The following IGFL2 variants were observed in gnomAD, a reference collection of about 807,000 sequenced individuals.
The protein encoded by IGFL2 is IGF like family member 2.
A neutral mutation model predicts 13.9 loss-of-function variants in IGFL2; 7 were observed. That is an observed-to-expected ratio of 0.51 (90% confidence interval 0.29 to 0.95). The LOEUF is 0.95. Among genes scored for constraint, IGFL2 ranks in the 40% least tolerant of loss-of-function variants. IGFL2 has a pLI of 0.08. For synonymous variants in IGFL2, 55 were observed against 55.8 expected (o/e 0.99, Z 0.07); for missense variants, 138 against 147.8 (o/e 0.93, Z 0.34).
At chr19:46,150,753 C>T (rs1600904090) in intron 1 of IGFL2, among the ~76,000 whole-genome samples, 1 of 152,240 alleles carries the variant, frequency 6.6e-6, no homozygotes, top group East Asian at 1.9e-4. Flanking sequence ...TCACTGCACC[C>T]TCTACCTCTG....
the IGFL2 span, chr19:46,124,576 T>A: frequency 6.5e-7 from 1 of 1,544,236 alleles, no homozygotes; most frequent in South Asian, 1.1e-5. Context: ...GTTTGGGAGC[T>A]GCACTGGGAA....
At chr19:46,117,619 C>T in the IGFL2 span, among the ~76,000 whole-genome samples, 1 of 152,136 alleles carries the variant, frequency 6.6e-6, no homozygotes, top group Non-Finnish European at 1.5e-5. Flanking sequence ...GCTGGGACTA[C>T]ATGCATGTGC....
chr19:46,149,161 T>C (rs933628162), intron 1 of IGFL2: 4 of 646,054 alleles, frequency 6.2e-6, no homozygotes, highest in Non-Finnish European at 1.1e-5. Flanking sequence ...CCTCTCTCTC[T>C]TCTCTCTCTC....
the IGFL2 span, among the ~76,000 whole-genome samples, chr19:46,176,106 G>A: frequency 7.0e-6 from 1 of 142,914 alleles, no homozygotes. Context: ...GCCCGCCTCG[G>A]CCTCCTAAAG....
At chr19:46,138,147 G>T (rs1972688630), upstream of IGFL2, among the ~76,000 whole-genome samples, 1 of 152,194 alleles carries the variant, frequency 6.6e-6, no homozygotes, top group Admixed American at 6.5e-5. Context: ...ATCTGTGTGG[G>T]CTGAAGTTGC....
chr19:46,161,065 T>C lies in IGFL2; in HGVS notation c.342-5T>C. On this transcript the variant is annotated splice_polypyrimidine_tract_variant and splice_region_variant and intron_variant, in intron 3 of 3. Transcript: ENST00000377693. ...CGTAATTTCTTGGTTTCTTTTTCTC[T>C]GTAGCAGAAGACGTTTTCCCTGAGA... 1.9e-6 allele frequency: 3 copies of C among 1,589,172 alleles called. No individual in the cohort carries two copies. The highest frequency in any genetic ancestry group is 2.6e-6 in the Non-Finnish European group (3 of 1,166,152).
chr19:46,182,188 G>A, the IGFL2 span, among the ~76,000 whole-genome samples: 6 of 151,928 alleles, frequency 3.9e-5, no homozygotes, highest in Non-Finnish European at 1.5e-5. Context: ...CCAACATAGT[G>A]AAACCCCGTC....
chr19:46,158,872 G>C (rs923457081), intron 1 of IGFL2, among the ~76,000 whole-genome samples: 1 of 152,134 alleles, frequency 6.6e-6, no homozygotes, highest in African/African-American at 2.4e-5. Context: ...GGCAGCAGGT[G>C]GGGGATGGAG....
the IGFL2 span, among the ~76,000 whole-genome samples, chr19:46,107,235 T>C: frequency 2.0e-5 from 3 of 152,190 alleles, no homozygotes; most frequent in African/African-American, 7.2e-5. Flanking sequence ...GGGATGGACT[T>C]ACCCTCCACT....
At chr19:46,202,138 A>G in the IGFL2 span, among the ~76,000 whole-genome samples, 10 of 152,258 alleles carry the variant, frequency 6.6e-5, no homozygotes, top group South Asian at 2.1e-3. Flanking sequence ...GAAGGAACAG[A>G]CAGGAGAGAA....
the IGFL2 span, among the ~76,000 whole-genome samples, chr19:46,168,392 T>C: frequency 1.3e-5 from 2 of 152,240 alleles, no homozygotes; most frequent in African/African-American, 4.8e-5. Context: ...AGAACTTTTA[T>C]CTAAGGAATG....
At chr19:46,172,179 G>T in the IGFL2 span, among the ~76,000 whole-genome samples, 2 of 152,182 alleles carry the variant, frequency 1.3e-5, no homozygotes, top group Non-Finnish European at 2.9e-5. Flanking sequence ...TAAGGTAGAA[G>T]AAATCGTGTA....
chr19:46,133,277 A>G, the IGFL2 span, among the ~76,000 whole-genome samples: 1 of 152,148 alleles, frequency 6.6e-6, no homozygotes, highest in African/African-American at 2.4e-5. Context: ...AGGCTAGTTT[A>G]CTTTCTGCAG....
At chr19:46,143,584 A>G (rs9304655), upstream of IGFL2, among the ~76,000 whole-genome samples, 93,981 of 151,732 alleles carry the variant, frequency 0.62, 29,868 homozygotes, top group Middle Eastern at 0.71. Context: ...CATTTTCAGG[A>G]AATCAAAAAT....
At chr19:46,130,685 A>T in the IGFL2 span, among the ~76,000 whole-genome samples, 1 of 152,194 alleles carries the variant, frequency 6.6e-6, no homozygotes, top group Non-Finnish European at 1.5e-5. Context: ...GAAATTTATG[A>T]GCTTGGATGA....
At chr19:46,091,636 A>G in the IGFL2 span, among the ~76,000 whole-genome samples, 3 of 152,230 alleles carry the variant, frequency 2.0e-5, no homozygotes, top group African/African-American at 7.2e-5. Context: ...CAGGCTTACC[A>G]TGAAATGAAA....
chr19:46,126,742 C>T, the IGFL2 span, among the ~76,000 whole-genome samples: 1 of 152,176 alleles, frequency 6.6e-6, no homozygotes. Flanking sequence ...TTTAAAATGA[C>T]AGTTACACTC....
chr19:46,094,468 T>G, the IGFL2 span, among the ~76,000 whole-genome samples: 1 of 152,060 alleles, frequency 6.6e-6, no homozygotes, highest in African/African-American at 2.4e-5. Context: ...CCCCAATCTG[T>G]TTTTGTTGTG....
chr19:46,131,764 C>T, the IGFL2 span, among the ~76,000 whole-genome samples: 1 of 152,122 alleles, frequency 6.6e-6, no homozygotes, highest in Non-Finnish European at 1.5e-5. Flanking sequence ...TATGGTGAAA[C>T]CCTGTCTCTA....
Sources: gnomAD v4.1 joint callset for allele counts (sites outside exome capture counted in the v4.1 genomes callset) on GRCh38, gnomAD v4.1.1 for gene constraint, MANE v1.5 for transcripts, NCBI Gene and HGNC (gene_info 2026-07-23, HGNC 2026-07-21) for gene names.